The following ABLIM2 variants were observed in gnomAD, a reference collection of about 807,000 sequenced individuals.
ABLIM2 encodes the protein actin-binding LIM protein 2.
Under a neutral mutation model 97.7 loss-of-function variants are expected in ABLIM2, and 53 were observed. That is an observed-to-expected ratio of 0.54 (90% CI 0.44 to 0.68). ABLIM2 has a LOEUF of 0.68. ABLIM2 is among the 30% of genes least tolerant of loss of function. The pLI, the probability that ABLIM2 is intolerant of heterozygous loss-of-function variation, is 0.00. For missense variants in ABLIM2, 835 were observed against 867.2 expected, an observed-to-expected ratio of 0.96 and a Z score of 0.47; for synonymous variants, 361 against 345.8, an observed-to-expected ratio of 1.04 and a Z score of -0.49.
Position 8,088,272 on chromosome 4 carries a change from G to A in ABLIM2, c.351C>T (p.Pro117=). 4 of 1,612,628 alleles carry A rather than the reference G, an allele frequency of 2.5e-6. No individual in the cohort carries two copies. Among genetic ancestry groups the A allele is most frequent in the Admixed American group, 1.7e-5 (1 of 59,938 alleles). The change falls in exon 4 of 21, where the codon CCC becomes CCT. Residue 117 remains proline (P), a synonymous_variant. Coordinates refer to ENST00000447017, the MANE Select transcript of ABLIM2 (RefSeq NM_001130083.2). ...CGTTGAAGGTCACTCGGTCCCCGGG[G>A]GGGAAGGGCAGCCTGAAACAAGAGA... The part of the protein sequence containing the change: ...FVCAVCRLPF[P]PGDRVTFNGK...
chr4:7,977,810 A>AAATAAATAAATAAATAAATT (rs1292439183), intron 20 of ABLIM2, among the ~76,000 whole-genome samples: 2 of 151,382 alleles, frequency 1.3e-5, no homozygotes, highest in East Asian at 3.9e-4. Flanking sequence ...ATAAATAAAT[A>AAATAAATAAATAAATAAATT]AATAAATAAA....
At position 8,072,559 on chromosome 4, in the gene ABLIM2, C is replaced by T. The variant is rs749564263; in HGVS notation, c.675+5069G>A. 6.6e-6 allele frequency among the ~76,000 whole-genome samples: 1 copy of T among 152,234 alleles called. No individual in the cohort carries two copies. Among genetic ancestry groups the T allele is most frequent in the Non-Finnish European group, 1.5e-5 (1 of 68,046 alleles). On this transcript the variant is annotated intron_variant, in intron 6 of 20. Coordinates refer to ENST00000447017, the MANE Select transcript of ABLIM2 (RefSeq NM_001130083.2). The surrounding 1 kb of genome is among the most constrained non-coding windows in gnomAD (Gnocchi z 5.8). ...CACTTTAGGCCACCAGATGTTCCAACGTGGCTATGCTATTAAGCCAAAAAT... is the reference window on the plus strand; with the variant it reads ...CACTTTAGGCCACCAGATGTTCCAATGTGGCTATGCTATTAAGCCAAAAAT...
At position 8,054,628 on chromosome 4, in the gene ABLIM2, G is replaced by T. The variant is rs1269595999; in HGVS notation, c.764-382C>A. On this transcript the variant is annotated intron_variant, in intron 7 of 20. Coordinates refer to ENST00000447017, the MANE Select transcript of ABLIM2 (RefSeq NM_001130083.2). This position sits in a 1 kb window ranked among gnomAD's most constrained non-coding sequence, Gnocchi z 4.9. ...AGTCCCTGCCTAGGATGTAGGATTG[G>T]CTGCCTGCATGTTGAGGGCAATGGC... Among the ~76,000 whole-genome samples the T allele has an allele frequency of 6.6e-6, 1 of 152,228 alleles. No homozygotes were observed. The highest frequency in any genetic ancestry group is 1.9e-4 in the East Asian group (1 of 5,202).
Position 8,117,388 on chromosome 4 carries a change from A to G in ABLIM2, c.11-10751T>C, listed in dbSNP as rs570213046. On this transcript the variant is annotated intron_variant, in intron 1 of 20. Coordinates refer to ENST00000447017, the MANE Select transcript of ABLIM2 (RefSeq NM_001130083.2). ...CACACCTACAGACTCCACCCACCAC[A>G]GACTCCACCCACAGCAGATTCTCCT... 2.7e-3 allele frequency among the ~76,000 whole-genome samples: 407 copies of G among 152,174 alleles called. 2 individuals carry two copies. Among genetic ancestry groups the G allele is most frequent in the African/African-American group, 9.6e-3 (399 of 41,522 alleles).
At chr4:8,011,532 G>C (rs1309539492) in intron 14 of ABLIM2, among the ~76,000 whole-genome samples, 1 of 152,192 alleles carries the variant, frequency 6.6e-6, no homozygotes, top group African/African-American at 2.4e-5. Context: ...TCCACGTTGT[G>C]AGGATCACAT....
intron 3 of ABLIM2, among the ~76,000 whole-genome samples, chr4:8,096,830 G>T (rs1473938991): frequency 6.6e-6 from 1 of 152,142 alleles, no homozygotes; most frequent in East Asian, 1.9e-4. Flanking sequence ...CCCAGTCTCC[G>T]CAGCCAGCAC....
intron 20 of ABLIM2, among the ~76,000 whole-genome samples, chr4:7,982,180 G>A (rs1238132464): frequency 1.3e-5 from 2 of 150,650 alleles, no homozygotes; most frequent in African/African-American, 4.9e-5. Context: ...CCCCTCAGCG[G>A]CATCCACGCC....
intron 19 of ABLIM2, 101 bp downstream of exon 19, chr4:7,983,446 C>T (rs1383962632): frequency 1.3e-6 from 2 of 1,582,816 alleles, no homozygotes; most frequent in Non-Finnish European, 1.7e-6. Flanking sequence ...TGCGTCTGCA[C>T]CTGACACACA....
chr4:7,971,868 T>C (rs1298119607), intron 20 of ABLIM2, among the ~76,000 whole-genome samples: 1 of 152,134 alleles, frequency 6.6e-6, no homozygotes, highest in East Asian at 1.9e-4. Flanking sequence ...AGCACAGGGC[T>C]GGCTGACCGG....
At chr4:8,131,739 CAGCACAGCAGCCCGCA>C (rs1849434274) in intron 1 of ABLIM2, among the ~76,000 whole-genome samples, 5 of 86,724 alleles carry the variant, frequency 5.8e-5, no homozygotes, top group African/African-American at 2.2e-4. Context: ...CCCGCATCCC[CAGCACAGCAGCCCGCA>C]TCCCTGAGCA....
intron 20 of ABLIM2, among the ~76,000 whole-genome samples, chr4:7,968,076 T>A (rs1577442841): frequency 6.6e-6 from 1 of 152,226 alleles, no homozygotes; most frequent in East Asian, 1.9e-4. Context: ...AAGGAGCTTT[T>A]CTAGGGAGCC....
chr4:8,084,921 C>G (rs764031549), intron 4 of ABLIM2, among the ~76,000 whole-genome samples: 1 of 152,208 alleles, frequency 6.6e-6, no homozygotes, highest in Non-Finnish European at 1.5e-5. Context: ...TCGCACTCTG[C>G]GACGGCCGCC....
intron 16 of ABLIM2, chr4:8,007,257 G>A (rs1366849673): frequency 7.8e-5 from 77 of 985,234 alleles, no homozygotes; most frequent in Non-Finnish European, 9.0e-5. Flanking sequence ...AACACCTGGC[G>A]CCCATCACAC....
rs909177436 is a variant in ABLIM2 at position 7,998,896 on chromosome 4, T to A, written c.1619-5969A>T. ...GTCTGCCGTATCATTTGCAGGTCCG[T>A]TTAGCTGTATGTAGCAGAGAAGAGC... On this transcript the variant is annotated intron_variant, in intron 16 of 20. Transcript: ENST00000447017. This position sits in a 1 kb window ranked among gnomAD's most constrained non-coding sequence, Gnocchi z 6.4. 6.6e-5 allele frequency among the ~76,000 whole-genome samples: 10 copies of A among 152,142 alleles called. No individual in the cohort carries two copies. The highest frequency in any genetic ancestry group is 2.0e-4 in the Admixed American group (3 of 15,272).
rs1390274988 is a variant in ABLIM2 at position 8,112,712 on chromosome 4, C to T, written c.11-6075G>A. ...CCACGGTCCCAGCCCTCGACATTCT[C>T]TTGTTTGTTCCATACCATGCCCCAC... On this transcript the variant is annotated intron_variant, in intron 1 of 20. Coordinates refer to ENST00000447017, the MANE Select transcript of ABLIM2 (RefSeq NM_001130083.2). This position sits in a 1 kb window ranked among gnomAD's most constrained non-coding sequence, Gnocchi z 4.2. Among the ~76,000 whole-genome samples, 1 of 152,178 alleles carries T rather than the reference C, an allele frequency of 6.6e-6. No homozygotes were observed. The highest frequency in any genetic ancestry group is 1.5e-5 in the Non-Finnish European group (1 of 68,034).
At chr4:7,993,852 C>T (rs1485369096) in intron 16 of ABLIM2, 2 of 466,750 alleles carry the variant, frequency 4.3e-6, no homozygotes. Flanking sequence ...TTTCCCAGCC[C>T]CCACCGAGCT....
At chr4:8,064,011 G>T (rs1805242753) in intron 6 of ABLIM2, among the ~76,000 whole-genome samples, 3 of 152,126 alleles carry the variant, frequency 2.0e-5, no homozygotes, top group African/African-American at 7.2e-5. Flanking sequence ...AAGTTTAAAT[G>T]TTTAGCCCAT....
Position 8,003,246 on chromosome 4 carries a change from C to T in ABLIM2, c.1618+4813G>A, listed in dbSNP as rs896135215. Among the ~76,000 whole-genome samples, 7 of 152,242 alleles carry T rather than the reference C, an allele frequency of 4.6e-5. No homozygotes were observed. The highest frequency in any genetic ancestry group is 8.8e-5 in the Non-Finnish European group (6 of 68,044). On this transcript the variant is annotated intron_variant, in intron 16 of 20. Coordinates refer to ENST00000447017, the MANE Select transcript of ABLIM2 (RefSeq NM_001130083.2). This position sits in a 1 kb window ranked among gnomAD's most constrained non-coding sequence, Gnocchi z 4.2. ...AGCAAACACCATGGCTTAGCCCAGC[C>T]TGCCTTAAACATGCTCAGAAACCTG...
At chr4:8,154,930 C>T (rs1420611831) in intron 1 of ABLIM2, among the ~76,000 whole-genome samples, 2 of 152,244 alleles carry the variant, frequency 1.3e-5, no homozygotes, top group East Asian at 1.9e-4. Flanking sequence ...TCTCACATGG[C>T]AGCAGGCAAG....
Sources: allele counts gnomAD v4.1 joint callset (sites outside exome capture counted in the v4.1 genomes callset), GRCh38; gene constraint gnomAD v4.1.1; non-coding constraint Gnocchi (gnomAD v3.1); transcripts MANE v1.5; gene names NCBI Gene and HGNC (gene_info 2026-07-23, HGNC 2026-07-21).